The following ARMH1 variants were observed in gnomAD, a reference collection of about 807,000 sequenced individuals.
The protein encoded by ARMH1 is armadillo-like helical domain containing protein 1.
A neutral mutation model predicts 50.2 loss-of-function variants in ARMH1; 34 were observed. That is an observed-to-expected ratio of 0.68 (90% confidence interval 0.51 to 0.90). ARMH1 has a LOEUF of 0.90. Ranked by LOEUF, ARMH1 falls within the 40% of genes least tolerant of loss-of-function variation. ARMH1 has a pLI of 0.00. For synonymous variants in ARMH1, 221 were observed against 224.2 expected (o/e 0.99, Z 0.13); for missense variants, 538 against 553.9 (o/e 0.97, Z 0.29).
At chr1:44,691,292 G>T (rs1470220419) in intron 2 of ARMH1, among the ~76,000 whole-genome samples, 2 of 151,980 alleles carry the variant, frequency 1.3e-5, no homozygotes, top group South Asian at 2.1e-4. Context: ...AATAAAGGTT[G>T]TTGAGTCTCC....
intron 2 of ARMH1, among the ~76,000 whole-genome samples, chr1:44,696,389 T>A (rs930034315): frequency 1.3e-5 from 2 of 152,218 alleles, no homozygotes; most frequent in African/African-American, 4.8e-5. Context: ...GCTAATTTCT[T>A]AAGTGTTCTA....
At chr1:44,703,006 G>A (rs1364448222) in intron 5 of ARMH1, among the ~76,000 whole-genome samples, 1 of 152,058 alleles carries the variant, frequency 6.6e-6, no homozygotes, top group Non-Finnish European at 1.5e-5. Context: ...AGATGTAAAG[G>A]GAAAAAAGAG....
chr1:44,714,236 C>G (rs1281967108), intron 6 of ARMH1, among the ~76,000 whole-genome samples: 4 of 149,284 alleles, frequency 2.7e-5, no homozygotes, highest in African/African-American at 9.9e-5. Flanking sequence ...CACCACTGCA[C>G]TCCAGCCTGG....
In ARMH1 at chr1:44,724,345, C is replaced by G; in HGVS notation, c.873C>G (p.Pro291=). 6.4e-7 allele frequency: 1 copy of G among 1,551,534 alleles called. No homozygotes were observed. Among genetic ancestry groups the G allele is most frequent in the South Asian group, 1.2e-5 (1 of 84,050 alleles). Residue 291 remains proline, a synonymous_variant, in exon 8 of 12, where the codon CCC becomes CCG. Coordinates refer to ENST00000535358, the MANE Select transcript of ARMH1 (RefSeq NM_001145636.2). The surrounding 1 kb of genome is among the most constrained non-coding windows in gnomAD (Gnocchi z 6.4). ...LSDPSVLQLT[P]SLPMFLQQAA... Reference sequence around the variant, plus strand: ...ACCCCTCGGTTCTCCAGCTCACCCCCAGCCTGCCGATGTTTTTGCAGCAGG... The same window carrying G: ...ACCCCTCGGTTCTCCAGCTCACCCCGAGCCTGCCGATGTTTTTGCAGCAGG...
chr1:44,715,449 C>T (rs922179716), intron 6 of ARMH1, among the ~76,000 whole-genome samples: 1 of 152,234 alleles, frequency 6.6e-6, no homozygotes, highest in African/African-American at 2.4e-5. Context: ...GAGGTTTCCT[C>T]TAATGCTGAT....
At chr1:44,690,861 TA>T (rs1277518323) in intron 2 of ARMH1, among the ~76,000 whole-genome samples, 6 of 152,228 alleles carry the variant, frequency 3.9e-5, no homozygotes, top group African/African-American at 1.4e-4. Flanking sequence ...GTATTTTTAG[TA>T]GAGACAGGGT....
intron 1 of ARMH1, among the ~76,000 whole-genome samples, chr1:44,678,196 G>T (rs984092496): frequency 1.3e-5 from 2 of 152,164 alleles, no homozygotes; most frequent in Non-Finnish European, 2.9e-5. Flanking sequence ...GGTTGACCTC[G>T]CCAGTTACAT....
chr1:44,700,625 A>AG (rs986268287), intron 4 of ARMH1, among the ~76,000 whole-genome samples: 7 of 152,094 alleles, frequency 4.6e-5, no homozygotes, highest in Non-Finnish European at 5.9e-5. Context: ...CAAAAAAAAA[A>AG]AAAAAAAAAG....
intron 6 of ARMH1, among the ~76,000 whole-genome samples, chr1:44,712,646 A>G (rs1380380454): frequency 6.6e-6 from 1 of 151,326 alleles, no homozygotes; most frequent in Non-Finnish European, 1.5e-5. Flanking sequence ...TTAAGCAAAT[A>G]CATCAGGATT....
At chr1:44,695,906 CT>C (rs1433644811) in intron 2 of ARMH1, among the ~76,000 whole-genome samples, 4 of 148,358 alleles carry the variant, frequency 2.7e-5, no homozygotes, top group African/African-American at 1.0e-4. Flanking sequence ...GATTGCACCA[CT>C]GTGCCCCAGC....
At chr1:44,716,416 C>T (rs1285949363) in intron 6 of ARMH1, among the ~76,000 whole-genome samples, 1 of 152,110 alleles carries the variant, frequency 6.6e-6, no homozygotes, top group East Asian at 1.9e-4. Context: ...GTGGAGTGAC[C>T]TCTCTATAGC....
intron 4 of ARMH1, among the ~76,000 whole-genome samples, chr1:44,698,967 C>T (rs1645927764): frequency 6.6e-6 from 1 of 151,550 alleles, no homozygotes; most frequent in Admixed American, 6.6e-5. Context: ...GCCAACATGG[C>T]AAAACCCCCT....
chr1:44,714,997 C>T (rs1473887047), intron 6 of ARMH1, among the ~76,000 whole-genome samples: 4 of 152,140 alleles, frequency 2.6e-5, no homozygotes, highest in African/African-American at 9.7e-5. Context: ...CCTCCCGCCT[C>T]AGCCTCTTAA....
chr1:44,711,253 G>A (rs748018660), intron 6 of ARMH1, among the ~76,000 whole-genome samples: 4 of 152,078 alleles, frequency 2.6e-5, no homozygotes, highest in Admixed American at 6.5e-5. Flanking sequence ...TGTTTAACTC[G>A]TTGAGGAACC....
intron 3 of ARMH1, 132 bp from the exon 4 acceptor site, chr1:44,697,931 C>T: frequency 1.7e-6 from 1 of 586,344 alleles, no homozygotes; most frequent in South Asian, 3.9e-5. Context: ...ACACTCGTAT[C>T]ACTTTACCTA....
chr1:44,713,371 T>A (rs1270257417), intron 6 of ARMH1, among the ~76,000 whole-genome samples: 1 of 151,930 alleles, frequency 6.6e-6, no homozygotes, highest in East Asian at 1.9e-4. Context: ...AGTGCTGGGA[T>A]TACAGGTATG....
intron 6 of ARMH1, among the ~76,000 whole-genome samples, chr1:44,722,604 C>T (rs1442876632): frequency 1.3e-5 from 2 of 151,424 alleles, no homozygotes; most frequent in African/African-American, 2.4e-5. Flanking sequence ...ATCAGCCGGG[C>T]GTGGTGGCAG....
intron 6 of ARMH1, among the ~76,000 whole-genome samples, chr1:44,716,017 T>C (rs1165105406): frequency 2.0e-5 from 3 of 152,220 alleles, no homozygotes; most frequent in Non-Finnish European, 2.9e-5. Context: ...CTCCTGATGA[T>C]ACCTCCTCCT....
chr1:44,679,002 T>C (rs1645224681), intron 1 of ARMH1, among the ~76,000 whole-genome samples: 1 of 152,216 alleles, frequency 6.6e-6, no homozygotes, highest in South Asian at 2.1e-4. Flanking sequence ...AGTCCAGATT[T>C]ATTAATCACC....
Sources: allele counts gnomAD v4.1 joint callset (sites outside exome capture counted in the v4.1 genomes callset), GRCh38; gene constraint gnomAD v4.1.1; non-coding constraint Gnocchi (gnomAD v3.1); transcripts MANE v1.5; gene names NCBI Gene and HGNC (gene_info 2026-07-23, HGNC 2026-07-21).